Variants in NAA11 observed in about 807,000 individuals in gnomAD.
NAA11 encodes N-alpha-acetyltransferase 11, NatA catalytic subunit, also known as N-alpha-acetyltransferase 11.
A neutral mutation model predicts 16.1 loss-of-function variants in NAA11; 15 were observed. The ratio of observed to expected loss-of-function variants is 0.93; its 90% CI spans 0.62 to 1.44. The LOEUF (loss-of-function observed/expected upper bound fraction) is 1.44, where lower values mean the gene tolerates loss of function less well. NAA11 is among the 40% of genes most tolerant of loss of function. The pLI is 0.00. For synonymous variants in NAA11, 122 were observed against 112.4 expected, an observed-to-expected ratio of 1.09 and a Z score of -0.54; for missense variants, 298 against 291.3, an observed-to-expected ratio of 1.02 and a Z score of -0.17.
intron 2 of NAA11, among the ~76,000 whole-genome samples, chr4:79,273,287 T>G (rs1481085129): frequency 6.6e-6 from 1 of 152,072 alleles, no homozygotes; most frequent in African/African-American, 2.4e-5. Flanking sequence ...TATAGCTTTG[T>G]AAACACATAA....
rs961155127 is a variant in NAA11 at position 79,317,184 on chromosome 4, G to T, written c.*620C>A. Reference sequence around the variant, plus strand: ...ATCTCCAAGTTCTGATTGTACAGTAGAAGCTCCTAACTTAACACCTTTTCC... The same window carrying T: ...ATCTCCAAGTTCTGATTGTACAGTATAAGCTCCTAACTTAACACCTTTTCC... On this transcript the variant is annotated 3_prime_UTR_variant, in exon 2 of 2. Transcript: ENST00000286794. The T allele has an allele frequency of 6.6e-6, 1 of 152,068 alleles. No homozygotes were observed. 9.4% of individuals were successfully genotyped at this position (152,068 alleles called of 1,614,324 possible).
the NAA11 span, among the ~76,000 whole-genome samples, chr4:79,218,487 T>C: frequency 6.6e-6 from 1 of 152,120 alleles, no homozygotes; most frequent in African/African-American, 2.4e-5. Context: ...GAAGTACATT[T>C]AGGTCTAATT....
chr4:79,191,671 G>A, the NAA11 span, among the ~76,000 whole-genome samples: 1 of 152,012 alleles, frequency 6.6e-6, no homozygotes. Context: ...GCTGTACAGA[G>A]GTTCTTAAGT....
At chr4:79,323,828 G>GA (rs1028767160) in intron 1 of NAA11, among the ~76,000 whole-genome samples, 1 of 146,120 alleles carries the variant, frequency 6.8e-6, no homozygotes, top group Non-Finnish European at 1.5e-5. Flanking sequence ...CTCAAAAAAA[G>GA]AAAAAAAGAT....
At position 79,321,822 on chromosome 4, in the gene NAA11, TA is replaced by T. The variant is rs1724096814; in HGVS notation, c.*12+3353del. ...CAAAGCACATATATTACAACAAAAG[TA>T]TTTTTAAAATAGTTTGATAACTATA... is the stretch of plus-strand genomic sequence containing the variant. On this transcript the variant is annotated intron_variant, in intron 1 of 1. Transcript: ENST00000286794. Among the ~76,000 whole-genome samples the T allele has an allele frequency of 2.0e-5, 3 of 152,326 alleles. No individual in the cohort carries two copies. The South Asian group carries it at 6.2e-4, about 32-fold the overall frequency.
intron 2 of NAA11, among the ~76,000 whole-genome samples, chr4:79,228,267 C>T (rs1721371542): frequency 6.6e-6 from 1 of 151,980 alleles, no homozygotes; most frequent in African/African-American, 2.4e-5. Context: ...AACACTAATA[C>T]TAGTACTGTT....
At chr4:79,312,377 G>A (rs142502307), downstream of NAA11, among the ~76,000 whole-genome samples, 5 of 152,122 alleles carry the variant, frequency 3.3e-5, no homozygotes, top group South Asian at 6.2e-4. Context: ...TTGGCCGGGC[G>A]CAGTGGCTCA....
intron 1 of NAA11, among the ~76,000 whole-genome samples, chr4:79,301,288 G>A (rs546731288): frequency 1.6e-3 from 250 of 152,202 alleles, no homozygotes; most frequent in Non-Finnish European, 3.2e-3. Flanking sequence ...CTTTCCACTT[G>A]CTTCTCTACC....
intron 1 of NAA11, among the ~76,000 whole-genome samples, chr4:79,294,381 G>A (rs749416798): frequency 1.3e-5 from 2 of 152,176 alleles, no homozygotes; most frequent in Non-Finnish European, 2.9e-5. Flanking sequence ...AATGTTTGTG[G>A]AGGGCACATA....
At chr4:79,223,902 G>A (rs1398377901), downstream of NAA11, among the ~76,000 whole-genome samples, 2 of 152,060 alleles carry the variant, frequency 1.3e-5, no homozygotes, top group Admixed American at 1.3e-4. Flanking sequence ...ATATATGACA[G>A]TATGCATAGA....
chr4:79,163,064 T>C, the NAA11 span, among the ~76,000 whole-genome samples: 3 of 152,218 alleles, frequency 2.0e-5, no homozygotes, highest in Non-Finnish European at 4.4e-5. Context: ...AAACTAAGTC[T>C]CTGATTCCAA....
At position 79,246,392 on chromosome 4, in the gene NAA11, A is replaced by AG. The variant is rs1190176066; in HGVS notation, c.*123-20123_*123-20122insC. Among the ~76,000 whole-genome samples the AG allele has an allele frequency of 3.0e-3, 103 of 33,996 alleles. 1 individual carries two copies. The highest frequency in any genetic ancestry group is 4.5e-3 in the Non-Finnish European group (57 of 12,594). 22.3% of individuals were successfully genotyped at this position (33,996 alleles called of 152,430 possible). A position where few individuals can be genotyped will look rare whatever the true frequency, so the allele number is the denominator to read the frequency against. On this transcript the variant is annotated intron_variant and NMD_transcript_variant, in intron 2 of 2. Coordinates refer to the NAA11 transcript ENST00000511542. ...CAATAAATACTAAAAAAAAAAAAAA[A>AG]AAAAAAAGAAAAAATAAGAATTTGA...
chr4:79,250,453 C>T (rs1454245112), intron 2 of NAA11, among the ~76,000 whole-genome samples: 3 of 152,204 alleles, frequency 2.0e-5, no homozygotes, highest in Admixed American at 1.3e-4. Context: ...AACTAGACCC[C>T]TTCTTTATAC....
At chr4:79,268,668 T>C (rs1722405739) in intron 2 of NAA11, among the ~76,000 whole-genome samples, 1 of 151,720 alleles carries the variant, frequency 6.6e-6, no homozygotes. Flanking sequence ...TTCCTCTAAA[T>C]TGAACTATAT....
At chr4:79,186,047 C>G in the NAA11 span, among the ~76,000 whole-genome samples, 2 of 151,998 alleles carry the variant, frequency 1.3e-5, no homozygotes, top group Non-Finnish European at 2.9e-5. Flanking sequence ...GTATGTGTTT[C>G]TGGGGTGCTG....
At chr4:79,272,005 C>T (rs1461122981) in intron 2 of NAA11, among the ~76,000 whole-genome samples, 2 of 151,702 alleles carry the variant, frequency 1.3e-5, no homozygotes, top group African/African-American at 2.4e-5. Context: ...TGTATACACA[C>T]ACACACATAT....
At chr4:79,301,899 C>T (rs1022107748) in intron 1 of NAA11, among the ~76,000 whole-genome samples, 1 of 152,122 alleles carries the variant, frequency 6.6e-6, no homozygotes, top group Non-Finnish European at 1.5e-5. Flanking sequence ...GAATGGAAGG[C>T]AGTCAGCCTT....
chr4:79,270,494 T>C (rs1190853643), intron 2 of NAA11, among the ~76,000 whole-genome samples: 16 of 143,836 alleles, frequency 1.1e-4, no homozygotes, highest in Non-Finnish European at 1.7e-4. Context: ...TTCCAATCAA[T>C]AGAAAAAGAG....
chr4:79,299,688 AT>A (rs1560460080), intron 1 of NAA11: 8 of 152,290 alleles, frequency 5.3e-5, no homozygotes, highest in African/African-American at 1.7e-4. Context: ...TTATCTATCC[AT>A]AAGCATTGTT....
Sources: allele counts gnomAD v4.1 joint callset (sites outside exome capture counted in the v4.1 genomes callset), GRCh38; gene constraint gnomAD v4.1.1; transcripts MANE v1.5; gene names NCBI Gene and HGNC (gene_info 2026-07-23, HGNC 2026-07-21).